Variants in OPCML observed in about 807,000 individuals in gnomAD.
OPCML encodes the protein opioid binding protein/cell adhesion molecule like.
Under a neutral mutation model 37.8 loss-of-function variants are expected in OPCML, and 13 were observed. The ratio of observed to expected loss-of-function variants is 0.34; its 90% CI spans 0.22 to 0.55. OPCML has a LOEUF of 0.55. Ranked by LOEUF, OPCML falls within the 20% of genes least tolerant of loss-of-function variation. OPCML has a pLI of 0.91. For missense variants in OPCML, 341 were observed against 435.6 expected (o/e 0.78, Z 1.93); for synonymous variants, 176 against 168.8 (o/e 1.04, Z -0.33).
At chr11:133,346,123 A>T (rs966920386) in intron 1 of OPCML, among the ~76,000 whole-genome samples, 1 of 152,222 alleles carries the variant, frequency 6.6e-6, no homozygotes, top group African/African-American at 2.4e-5. Context: ...TAGTGTTAAG[A>T]TCCTGATAAT....
intron 2 of OPCML, among the ~76,000 whole-genome samples, chr11:132,686,781 G>A (rs1027726169): frequency 3.3e-5 from 5 of 151,918 alleles, no homozygotes; most frequent in Non-Finnish European, 5.9e-5. Context: ...TTGATGTTTC[G>A]AATGCCCTAT....
At chr11:133,166,648 A>G (rs1303778997) in intron 1 of OPCML, among the ~76,000 whole-genome samples, 1 of 152,214 alleles carries the variant, frequency 6.6e-6, no homozygotes, top group Non-Finnish European at 1.5e-5. Flanking sequence ...TGCCAGCTTG[A>G]TGTGCAGGCT....
At chr11:132,479,563 C>A (rs1264890588) in intron 4 of OPCML, among the ~76,000 whole-genome samples, 1 of 152,224 alleles carries the variant, frequency 6.6e-6, no homozygotes, top group African/African-American at 2.4e-5. Context: ...GGCTCCACCT[C>A]TGGGGGCAGG....
chr11:132,523,787 C>G (rs999046984), intron 4 of OPCML, among the ~76,000 whole-genome samples: 2 of 152,124 alleles, frequency 1.3e-5, no homozygotes, highest in Non-Finnish European at 2.9e-5. Flanking sequence ...AAAGTACAAC[C>G]TAATTCATGT....
rs1423794075 is a variant in OPCML, at chr11:132,567,851, A to G, written c.380-38665T>C. On this transcript the variant is annotated intron_variant, in intron 3 of 7. Transcript: ENST00000524381. ...CAGTCCGGGTAACTAAGGCTCTAGG[A>G]GTGGGCCTGGTGTTGCACAGAACAG... Among the ~76,000 whole-genome samples the G allele has an allele frequency of 2.6e-5, 4 of 152,296 alleles. No individual in the cohort carries two copies. In the East Asian group the frequency reaches 7.7e-4, roughly 29 times the overall value.
intron 1 of OPCML, among the ~76,000 whole-genome samples, chr11:133,034,104 G>A (rs1198141792): frequency 1.3e-5 from 2 of 152,140 alleles, no homozygotes; most frequent in Non-Finnish European, 1.5e-5. Flanking sequence ...TGCTTTCAGT[G>A]GTGATATTTT....
chr11:133,382,122 A>G (rs961858648), intron 1 of OPCML, among the ~76,000 whole-genome samples: 1 of 152,182 alleles, frequency 6.6e-6, no homozygotes, highest in Non-Finnish European at 1.5e-5. Flanking sequence ...GGAGGGATGG[A>G]AGGTGGTGTT....
chr11:132,560,599 A>G (rs1239764486), intron 3 of OPCML, among the ~76,000 whole-genome samples: 1 of 152,194 alleles, frequency 6.6e-6, no homozygotes, highest in African/African-American at 2.4e-5. Flanking sequence ...GAGTGAGAAC[A>G]AAGGATTTTT....
At chr11:133,004,383 A>G in intron 1 of OPCML, 1 of 985,436 alleles carries the variant, frequency 1.0e-6, no homozygotes, top group African/African-American at 1.7e-5. Context: ...CTCTCTCTTC[A>G]GAGGAAGTTG....
chr11:133,464,832 C>T (rs1946940121), intron 1 of OPCML, among the ~76,000 whole-genome samples: 1 of 152,126 alleles, frequency 6.6e-6, no homozygotes, highest in South Asian at 2.1e-4. Flanking sequence ...GAGAGATATT[C>T]AGGACCTGTC....
chr11:132,656,990 C>A, intron 3 of OPCML, 97 bp downstream of exon 3: 1 of 1,525,560 alleles, frequency 6.6e-7, no homozygotes, highest in Non-Finnish European at 8.8e-7. Flanking sequence ...AGGAAGATGA[C>A]TTTTGTGTCT....
intron 1 of OPCML, chr11:133,365,359 T>A (rs1944515978): frequency 6.5e-6 from 1 of 152,852 alleles, no homozygotes; most frequent in South Asian, 1.9e-4. Context: ...CACTGGCAGA[T>A]GTGGTGTCTG....
intron 2 of OPCML, among the ~76,000 whole-genome samples, chr11:132,897,300 T>G (rs889545657): frequency 6.6e-6 from 1 of 152,170 alleles, no homozygotes; most frequent in Non-Finnish European, 1.5e-5. Flanking sequence ...TGGGCCTTAA[T>G]AGAAACTGAA....
chr11:132,579,320 C>CTT (rs1326938368), intron 3 of OPCML, among the ~76,000 whole-genome samples: 2 of 151,812 alleles, frequency 1.3e-5, no homozygotes, highest in African/African-American at 4.8e-5. Flanking sequence ...GCCTCAGTGA[C>CTT]TTGGGTGGCC....
chr11:133,116,522 C>T (rs1482688794), intron 1 of OPCML, among the ~76,000 whole-genome samples: 1 of 152,086 alleles, frequency 6.6e-6, no homozygotes, highest in Non-Finnish European at 1.5e-5. Context: ...AAGATGCAGG[C>T]CAGTCAGTTT....
intron 3 of OPCML, among the ~76,000 whole-genome samples, chr11:132,535,464 T>C (rs1026475878): frequency 6.6e-6 from 1 of 151,980 alleles, no homozygotes; most frequent in African/African-American, 2.4e-5. Flanking sequence ...GATGCAGAGG[T>C]GGCTGCTGCT....
chr11:132,644,725 A>C (rs1591664841), intron 3 of OPCML, among the ~76,000 whole-genome samples: 1 of 152,280 alleles, frequency 6.6e-6, no homozygotes, highest in South Asian at 2.1e-4. Context: ...TGTGCCACCG[A>C]CCCTTATAAA....
chr11:132,649,096 A>T (rs1941302765), intron 3 of OPCML, among the ~76,000 whole-genome samples: 2 of 152,052 alleles, frequency 1.3e-5, no homozygotes, highest in African/African-American at 4.8e-5. Context: ...AAAACCCATG[A>T]AAACTGTGTG....
intron 7 of OPCML, among the ~76,000 whole-genome samples, chr11:132,424,034 G>A (rs1293124416): frequency 6.6e-6 from 1 of 152,062 alleles, no homozygotes; most frequent in Non-Finnish European, 1.5e-5. Flanking sequence ...AATATATAGG[G>A]TCAGAAACCC....
Sources: gnomAD v4.1 joint callset for allele counts (sites outside exome capture counted in the v4.1 genomes callset) on GRCh38, gnomAD v4.1.1 for gene constraint, MANE v1.5 for transcripts, NCBI Gene and HGNC (gene_info 2026-07-23, HGNC 2026-07-21) for gene names.